The following DLG2 variants were observed in gnomAD, a reference collection of about 807,000 sequenced individuals.
DLG2 encodes the protein disks large homolog 2.
In DLG2, 45 loss-of-function variants were observed where a neutral mutation model predicts 132.5. The observed-to-expected ratio is 0.34, with a 90% CI of 0.27 to 0.44. The LOEUF (loss-of-function observed/expected upper bound fraction) is 0.44. DLG2 is among the 20% of genes least tolerant of loss of function. The probability of loss-of-function intolerance (pLI) is 1.00; values close to 1 mark genes in which losing one functional copy is unlikely to be tolerated. For synonymous variants in DLG2, 424 were observed against 419.6 expected, an observed-to-expected ratio of 1.01 and a Z score of -0.13; for missense variants, 1,045 against 1,196.9, an observed-to-expected ratio of 0.87 and a Z score of 1.87.
At chr11:83,677,896 T>A (rs1401584255) in intron 18 of DLG2, among the ~76,000 whole-genome samples, 1 of 152,232 alleles carries the variant, frequency 6.6e-6, no homozygotes, top group African/African-American at 2.4e-5. Flanking sequence ...CCATCTCTGC[T>A]TTGACTTGAC....
chr11:83,667,478 T>C (rs573418617), intron 18 of DLG2, among the ~76,000 whole-genome samples: 125 of 152,352 alleles, frequency 8.2e-4, no homozygotes, highest in South Asian at 2.5e-3. Context: ...TTTTCTAGTC[T>C]TAAAGGAGGA....
chr11:84,252,968 A>G (rs1203084891), intron 7 of DLG2, among the ~76,000 whole-genome samples: 3 of 152,238 alleles, frequency 2.0e-5, no homozygotes, highest in Non-Finnish European at 4.4e-5. Context: ...ATCAAATGAT[A>G]AAACAAATAG....
chr11:84,744,162 G>GAAC (rs796782598), intron 6 of DLG2, among the ~76,000 whole-genome samples: 50 of 152,074 alleles, frequency 3.3e-4, no homozygotes, highest in African/African-American at 8.4e-4. Flanking sequence ...GAAGAGCCCT[G>GAAC]AACAACAACA....
intron 7 of DLG2, among the ~76,000 whole-genome samples, chr11:84,466,021 A>C (rs2099093440): frequency 6.6e-6 from 1 of 151,274 alleles, no homozygotes; most frequent in African/African-American, 2.4e-5. Flanking sequence ...GGTTGAGAAA[A>C]AGACCCAGAT....
In DLG2 at chr11:83,499,852, G is replaced by GATATATAT. The variant is rs60890814; in HGVS notation, c.2194-15632_2194-15625dup. Reference sequence around the variant, plus strand: ...ATATATATTTCCTCCACTAATAGGAGATATATATATATATATATATATATA... The same window carrying GATATATAT: ...ATATATATTTCCTCCACTAATAGGAGATATATATATATATATATATATATATATATATA... On this transcript the variant is annotated intron_variant, in intron 21 of 27. Coordinates refer to ENST00000376104, the MANE Select transcript of DLG2 (RefSeq NM_001142699.3). 4.0e-3 allele frequency among the ~76,000 whole-genome samples: 246 copies of GATATATAT among 61,548 alleles called. 7 individuals are homozygous for GATATATAT. Among genetic ancestry groups the GATATATAT allele is most frequent in the South Asian group, 7.0e-3 (9 of 1,290 alleles). The allele number at this position is 61,548 out of a possible 152,430, so 40.4% of individuals were successfully genotyped here.
chr11:84,741,137 G>A (rs1232174749), intron 6 of DLG2, among the ~76,000 whole-genome samples: 2 of 128,354 alleles, frequency 1.6e-5, no homozygotes, highest in Non-Finnish European at 1.6e-5. Flanking sequence ...CGCGATCTCC[G>A]CTCACTGCAA....
chr11:83,784,484 G>A (rs937910025), intron 18 of DLG2, among the ~76,000 whole-genome samples: 1 of 152,178 alleles, frequency 6.6e-6, no homozygotes, highest in Non-Finnish European at 1.5e-5. Context: ...AAACAGAGAA[G>A]TCATTCTGTG....
intron 11 of DLG2, among the ~76,000 whole-genome samples, chr11:84,012,411 T>C (rs1051078232): frequency 2.0e-5 from 3 of 152,164 alleles, no homozygotes; most frequent in East Asian, 3.9e-4. Flanking sequence ...TTTGGAAAAC[T>C]TGGTGAGACT....
chr11:84,261,990 G>A (rs947853760), intron 7 of DLG2, among the ~76,000 whole-genome samples: 5 of 152,148 alleles, frequency 3.3e-5, no homozygotes, highest in African/African-American at 1.2e-4. Context: ...ATTCACTGCA[G>A]AGCATGAAAA....
At chr11:83,553,861 G>C (rs2142207142) in intron 19 of DLG2, among the ~76,000 whole-genome samples, 2 of 148,212 alleles carry the variant, frequency 1.3e-5, no homozygotes, top group East Asian at 3.9e-4. Context: ...AATATTATTA[G>C]TATTTTATTC....
At position 83,830,916 on chromosome 11, in the gene DLG2, TA is replaced by T. The variant is rs148786866; in HGVS notation, c.1722+2697del. Reference sequence around the variant, plus strand: ...TTAATGACGATATGAATGCTGATTGTAATGAAATGACAAAGTGGTCCGCAAG... The same window carrying T: ...TTAATGACGATATGAATGCTGATTGTATGAAATGACAAAGTGGTCCGCAAG... On this transcript the variant is annotated intron_variant, in intron 17 of 27. Transcript: ENST00000376104. 6.7e-3 allele frequency among the ~76,000 whole-genome samples: 1,028 copies of T among 152,344 alleles called. 5 individuals carry two copies. The highest frequency in any genetic ancestry group is 0.012 in the South Asian group (57 of 4,830).
intron 7 of DLG2, among the ~76,000 whole-genome samples, chr11:84,530,645 G>C (rs2099335235): frequency 6.6e-6 from 1 of 152,210 alleles, no homozygotes; most frequent in South Asian, 2.1e-4. Flanking sequence ...TGAGGTTGCA[G>C]TGAAAAGGGA....
At chr11:84,324,287 A>T (rs1240507198) in intron 7 of DLG2, among the ~76,000 whole-genome samples, 1 of 152,060 alleles carries the variant, frequency 6.6e-6, no homozygotes, top group Non-Finnish European at 1.5e-5. Flanking sequence ...CTGTTTCCCA[A>T]CATTATTTGT....
intron 19 of DLG2, among the ~76,000 whole-genome samples, chr11:83,605,734 C>A (rs2059242646): frequency 6.6e-6 from 1 of 152,172 alleles, no homozygotes; most frequent in Non-Finnish European, 1.5e-5. Flanking sequence ...TAAAGGACTG[C>A]AAAAGCCAGG....
chr11:83,659,242 C>T (rs1490486229), intron 18 of DLG2, among the ~76,000 whole-genome samples: 2 of 152,130 alleles, frequency 1.3e-5, no homozygotes, highest in African/African-American at 4.8e-5. Context: ...GTACTGTTAT[C>T]CCATTTTACA....
intron 4 of DLG2, among the ~76,000 whole-genome samples, chr11:85,193,827 T>C (rs1361872452): frequency 6.6e-6 from 1 of 152,238 alleles, no homozygotes; most frequent in Non-Finnish European, 1.5e-5. Context: ...TGGGTTGTCA[T>C]TTTTACTTTC....
chr11:84,974,054 T>A (rs1828115174), intron 6 of DLG2, among the ~76,000 whole-genome samples: 2 of 152,092 alleles, frequency 1.3e-5, no homozygotes. Flanking sequence ...ACTAGAGAAA[T>A]TATACAGATA....
chr11:83,739,004 C>T (rs1173078584), intron 18 of DLG2, among the ~76,000 whole-genome samples: 1 of 152,052 alleles, frequency 6.6e-6, no homozygotes. Context: ...TCAAATGGTT[C>T]TATTTATATT....
chr11:84,357,075 G>T (rs888306419), intron 7 of DLG2, among the ~76,000 whole-genome samples: 1 of 151,932 alleles, frequency 6.6e-6, no homozygotes, highest in African/African-American at 2.4e-5. Context: ...AAAAGTAATT[G>T]ATTTGGAGCC....
Sources: gnomAD v4.1 joint callset for allele counts (sites outside exome capture counted in the v4.1 genomes callset) on GRCh38, gnomAD v4.1.1 for gene constraint, MANE v1.5 for transcripts, NCBI Gene and HGNC (gene_info 2026-07-23, HGNC 2026-07-21) for gene names.